Variants in TMPRSS5 observed in about 807,000 individuals in gnomAD.
The protein encoded by TMPRSS5 is transmembrane serine protease 5.
TMPRSS5 carries 45 observed loss-of-function variants against 59.7 expected under a neutral mutation model. The observed-to-expected ratio is 0.75, with a 90% CI of 0.59 to 0.97. The LOEUF (loss-of-function observed/expected upper bound fraction) is 0.97, where lower values mean the gene tolerates loss of function less well. TMPRSS5 is among the 50% of genes least tolerant of loss of function. The pLI is 0.00. For missense variants in TMPRSS5, 585 were observed against 596.7 expected (o/e 0.98, Z 0.20); for synonymous variants, 225 against 232.0 (o/e 0.97, Z 0.27).
rs554451279 is a variant in TMPRSS5 at position 113,690,345 on chromosome 11, C to G, written c.1092G>C (p.Thr364=). 6.2e-6 allele frequency: 10 copies of G among 1,605,252 alleles called. No individual in the cohort carries two copies. Among genetic ancestry groups the G allele is most frequent in the Middle Eastern group, 3.3e-4 (2 of 6,056 alleles). Residue 364 remains threonine (T), a synonymous_variant, in exon 11 of 13, where the codon ACG becomes ACC. Transcript: ENST00000299882. The stretch of plus-strand genomic sequence containing the variant: ...GCTGAGTGCTGAACAAGGGCACCAC[C>G]GTGTCCTGGAGCATATCCGAGCTGT... ...HTYSSDMLQD[T]VVPLFSTQLC... is the part of the protein sequence containing the mutation.
At chr11:113,699,252 T>C (rs901174305) in intron 3 of TMPRSS5, among the ~76,000 whole-genome samples, 561 of 53,442 alleles carry the variant, frequency 0.01, 37 homozygotes, top group East Asian at 0.049. Context: ...TCTCTCTCTC[T>C]CTCTCTCTCT....
In TMPRSS5 at chr11:113,700,143, G is replaced by T; in HGVS notation, c.29C>A (p.Pro10His). 1 of 1,578,228 alleles carries T rather than the reference G, an allele frequency of 6.3e-7. No homozygotes were observed. The highest frequency in any genetic ancestry group is 2.3e-5 in the East Asian group (1 of 43,880). The change falls in exon 2 of 13, where the codon CCT (proline) becomes CAT (histidine). Residue 10 changes from proline (P) to histidine (H), a missense_variant. Pro to His is a moderately conservative substitution (Grantham distance 77). Coordinates refer to ENST00000299882, the MANE Select transcript of TMPRSS5 (RefSeq NM_030770.4). Reference protein sequence around the residue: MSLMLDDQPPMEAQYAEEGP... With the variant: MSLMLDDQPHMEAQYAEEGP... ...CTCCTCTGCATACTGGGCCTCCATA[G>T]GGGGTTGGTCATCCAGCATCAGGCT...
chr11:113,702,719 G>GT (rs1201692512), intron 1 of TMPRSS5, among the ~76,000 whole-genome samples: 9 of 152,220 alleles, frequency 5.9e-5, no homozygotes, highest in African/African-American at 2.2e-4. Flanking sequence ...ACATGGTACT[G>GT]TGTGTCCCAG....
At chr11:113,688,317 C>T in intron 12 of TMPRSS5, 43 bp from the exon 13 acceptor site, 1 of 1,408,986 alleles carries the variant, frequency 7.1e-7, no homozygotes, top group Non-Finnish European at 9.9e-7. Context: ...CATGGCTCTA[C>T]ACTAGCCAAG....
chr11:113,689,568 C>G (rs748840732), intron 12 of TMPRSS5, among the ~76,000 whole-genome samples, 197 bp downstream of exon 12: 2 of 152,086 alleles, frequency 1.3e-5, no homozygotes, highest in Non-Finnish European at 2.9e-5. Context: ...ATACTCTTAC[C>G]CAGTTCATCC....
At position 113,693,217 on chromosome 11, in the gene TMPRSS5, A is replaced by G; in HGVS notation, c.818T>C (p.Val273Ala). 6.4e-7 allele frequency: 1 copy of G among 1,573,702 alleles called. No individual in the cohort carries two copies. The highest frequency in any genetic ancestry group is 1.2e-5 in the South Asian group (1 of 85,680). ...FRLARLSSWR[V>A]HAGLVSHSAV... The stretch of plus-strand genomic sequence containing the variant: ...ACTGTGGCTGACCAGCCCCGCATGA[A>G]CCCGCCAGCTGGACAGGCGGGCCAG... Residue 273 changes from valine to alanine, a missense_variant, in exon 9 of 13, where the codon GTT becomes GCT. Transcript: ENST00000299882.
rs534121560 is a variant in TMPRSS5 at position 113,700,427 on chromosome 11, C to T, written c.4-259G>A. 3.3e-5 allele frequency among the ~76,000 whole-genome samples: 5 copies of T among 152,300 alleles called. No homozygotes were observed. In the South Asian group the frequency reaches 1.0e-3, roughly 32 times the overall value. ...AACACTTGAATGCAGATTTGGCCCACTCCAAAGCCTGCACTCCTAGCCACT... is the reference window on the plus strand; with the variant it reads ...AACACTTGAATGCAGATTTGGCCCATTCCAAAGCCTGCACTCCTAGCCACT... On this transcript the variant is annotated intron_variant, in intron 1 of 12. Transcript: ENST00000299882.
intron 6 of TMPRSS5, among the ~76,000 whole-genome samples, chr11:113,695,867 C>T (rs898320652): frequency 1.3e-5 from 2 of 152,224 alleles, no homozygotes; most frequent in African/African-American, 4.8e-5. Context: ...TTGCTGTATT[C>T]TCCACCCTGG....
intron 7 of TMPRSS5, 98 bp downstream of exon 7, chr11:113,695,302 G>A (rs777689174): frequency 5.2e-6 from 7 of 1,358,832 alleles, no homozygotes; most frequent in Non-Finnish European, 6.2e-6. Context: ...CCTACCCCAG[G>A]CCCAGCAGAG....
Position 113,697,260 on chromosome 11 carries a change from G to C in TMPRSS5, c.464+23C>G, listed in dbSNP as rs1952955113. Reference sequence around the variant, plus strand: ...ACCAGCCAGGCCTCCCCCTTCACAGGACCCACATCTAACTCCTGTTACCTG... The same window carrying C: ...ACCAGCCAGGCCTCCCCCTTCACAGCACCCACATCTAACTCCTGTTACCTG... On this transcript the variant is annotated intron_variant, in intron 5 of 12. Coordinates refer to ENST00000299882, the MANE Select transcript of TMPRSS5 (RefSeq NM_030770.4). The C allele has an allele frequency of 2.5e-6, 4 of 1,597,744 alleles. No homozygotes were observed. In the South Asian group the frequency reaches 4.4e-5, roughly 18 times the overall value.
At position 113,699,254 on chromosome 11, in the gene TMPRSS5, TCTCTCTCTCTCTCTCTCC is replaced by T. The variant is rs1565263590; in HGVS notation, c.206-245_206-228del. Among the ~76,000 whole-genome samples the T allele has an allele frequency of 1.5e-3, 69 of 47,448 alleles. 13 individuals carry two copies. The highest frequency in any genetic ancestry group is 6.2e-3 in the African/African-American group (62 of 10,022). The allele number at this position is 47,448 out of a possible 152,430, so 31.1% of individuals were successfully genotyped here. ...CTCTCTCTCTCTCTCTCTCTCTCTCTCTCTCTCTCTCTCTCTCCCTCTCTCTCTCTCTCTCTCTGTCTC... is the reference window on the plus strand; with the variant it reads ...CTCTCTCTCTCTCTCTCTCTCTCTCTCTCTCTCTCTCTCTCTCTCTGTCTC... On this transcript the variant is annotated intron_variant, in intron 3 of 12. Transcript: ENST00000299882.
chr11:113,694,395 C>T (rs1007156054), intron 8 of TMPRSS5, 83 bp downstream of exon 8: 76 of 1,452,488 alleles, frequency 5.2e-5, no homozygotes, highest in African/African-American at 8.5e-5. Flanking sequence ...CAGTTGGACA[C>T]GAACATTTGA....
chr11:113,690,992 G>A (rs1329131948), intron 9 of TMPRSS5, 53 bp from the exon 10 acceptor site: 20 of 1,503,434 alleles, frequency 1.3e-5, no homozygotes, highest in Non-Finnish European at 1.7e-5. Flanking sequence ...TTCCCCCACT[G>A]CAGAGCCTGG....
chr11:113,690,114 G>C (rs1370329829), intron 11 of TMPRSS5, 117 bp downstream of exon 11: 5 of 1,394,384 alleles, frequency 3.6e-6, no homozygotes, highest in Non-Finnish European at 4.8e-6. Context: ...TTCTAGAGAG[G>C]CTGTCTCACA....
In TMPRSS5 at chr11:113,693,350, G is replaced by T. The variant is rs922987434; in HGVS notation, c.786-101C>A. 6 of 1,332,134 alleles carry T rather than the reference G, an allele frequency of 4.5e-6. No individual in the cohort carries two copies. The East Asian group carries it at 1.6e-4, about 34-fold the overall frequency. 82.5% of individuals were successfully genotyped at this position (1,332,134 alleles called of 1,614,324 possible). A position where few individuals can be genotyped will look rare whatever the true frequency, so the allele number is the denominator to read the frequency against. Reference sequence around the variant, plus strand: ...AAGCTGGCCAGAGCAGCCATTGGTGGGGGGGCCGTCAGCAGGCGGTGAGCT... The same window carrying T: ...AAGCTGGCCAGAGCAGCCATTGGTGTGGGGGCCGTCAGCAGGCGGTGAGCT... On this transcript the variant is annotated intron_variant, in intron 8 of 12. Coordinates refer to ENST00000299882, the MANE Select transcript of TMPRSS5 (RefSeq NM_030770.4).
chr11:113,699,669 G>C lies in TMPRSS5; in HGVS notation c.131C>G (p.Ser44Cys). 6.3e-7 allele frequency: 1 copy of C among 1,581,888 alleles called. No individual in the cohort carries two copies. Among genetic ancestry groups the C allele is most frequent in the Non-Finnish European group, 8.6e-7 (1 of 1,164,464 alleles). The change falls in exon 3 of 13, where the codon TCC (serine) becomes TGC (cysteine). Residue 44 changes from serine to cysteine, a missense_variant. Physicochemically the swap from Ser to Cys is moderately radical, Grantham distance 112. Transcript: ENST00000299882. ...CAGCACTGCACAGCCACGTCGCATGGAACGCCAGCACACTGCCTGAGAAAC... is the reference window on the plus strand; with the variant it reads ...CAGCACTGCACAGCCACGTCGCATGCAACGCCAGCACACTGCCTGAGAAAC... The part of the protein sequence containing the change: ...HPISQAVCWR[S>C]MRRGCAVLGA...
rs200067593 is a variant in TMPRSS5, at chr11:113,690,387, C to G, written c.1064-14G>C. 102 of 1,596,824 alleles carry G rather than the reference C, an allele frequency of 6.4e-5. No individual in the cohort carries two copies. The African/African-American group carries it at 1.2e-3, about 18-fold the overall frequency. ...CCGAGCTGTAAGCTATGAGAGACAC[C>G]GAGAAAAACTGCAGGGCACAAAGCA... On this transcript the variant is annotated splice_polypyrimidine_tract_variant and intron_variant, in intron 10 of 12. Transcript: ENST00000299882.
In TMPRSS5 at chr11:113,699,620, AC is replaced by A. The variant is rs1429605510; in HGVS notation, c.179del (p.Gly60ValfsTer9). The A allele has an allele frequency of 1.3e-6, 2 of 1,580,566 alleles. No homozygotes were observed. The highest frequency in any genetic ancestry group is 4.7e-5 in the East Asian group (2 of 42,976). On this transcript the variant is annotated frameshift_variant, in exon 3 of 13. Coordinates refer to ENST00000299882, the MANE Select transcript of TMPRSS5 (RefSeq NM_030770.4). LOFTEE classifies it high-confidence loss of function. The stretch of plus-strand genomic sequence containing the variant: ...CTAGGAGCCATGAGCCAACACCTGC[AC>A]CGGCCAGCAGCCCCAGGGCTCCCAG... ...AVLGALGLLA[G>X]AGVGSWLLVL... is the part of the protein sequence containing the mutation.
At chr11:113,702,822 G>A (rs1286456504) in intron 1 of TMPRSS5, among the ~76,000 whole-genome samples, 1 of 152,228 alleles carries the variant, frequency 6.6e-6, no homozygotes, top group East Asian at 1.9e-4. Flanking sequence ...CAGCCTCCTT[G>A]TGGTGTTGAG....
Sources: allele counts gnomAD v4.1 joint callset (sites outside exome capture counted in the v4.1 genomes callset), GRCh38; gene constraint gnomAD v4.1.1; transcripts MANE v1.5; gene names NCBI Gene and HGNC (gene_info 2026-07-23, HGNC 2026-07-21).